Variants in PLA2R1 observed in about 807,000 individuals in gnomAD.
PLA2R1 encodes phospholipase A2 receptor 1.
Under a neutral mutation model 195.9 loss-of-function variants are expected in PLA2R1, and 158 were observed. That is an observed-to-expected ratio of 0.81 (90% CI 0.71 to 0.92). The LOEUF (loss-of-function observed/expected upper bound fraction) is 0.92. PLA2R1 is among the 40% of genes least tolerant of loss of function. PLA2R1 has a pLI of 0.00. For missense variants in PLA2R1, 1,626 were observed against 1,764.6 expected, an observed-to-expected ratio of 0.92 and a Z score of 1.41; for synonymous variants, 586 against 598.2, an observed-to-expected ratio of 0.98 and a Z score of 0.30.
In PLA2R1 at chr2:159,971,471, C is replaced by CGT. The variant is rs1374552815; in HGVS notation, c.2596-1260_2596-1259insAC. Among the ~76,000 whole-genome samples, 7 of 127,140 alleles carry CGT rather than the reference C, an allele frequency of 5.5e-5. No individual in the cohort carries two copies. In the East Asian group the frequency reaches 8.5e-4, roughly 15 times the overall value. 83.4% of individuals were successfully genotyped at this position (127,140 alleles called of 152,430 possible). ...GTGCATGCATGTGCACACGTGTGTG[C>CGT]GCGCACACACACACACATACACACA... On this transcript the variant is annotated intron_variant, in intron 17 of 29. Transcript: ENST00000283243.
intron 6 of PLA2R1, among the ~76,000 whole-genome samples, chr2:160,024,037 C>T (rs1573919280): frequency 1.5e-5 from 2 of 130,044 alleles, no homozygotes; most frequent in East Asian, 3.9e-4. Context: ...ACCCCTGCAG[C>T]CCCCACAGGC....
chr2:160,048,430 C>T (rs533218426), intron 1 of PLA2R1, among the ~76,000 whole-genome samples: 6 of 152,144 alleles, frequency 3.9e-5, no homozygotes, highest in Non-Finnish European at 8.8e-5. Context: ...TGACTTGAGC[C>T]CATTTTTCCA....
At chr2:159,985,051 A>G (rs377437632) in intron 12 of PLA2R1, among the ~76,000 whole-genome samples, 1 of 152,152 alleles carries the variant, frequency 6.6e-6, no homozygotes, top group Admixed American at 6.5e-5. Context: ...CACACCATGC[A>G]TTTGTTGACA....
Position 159,979,900 on chromosome 2 carries a change from T to A in PLA2R1, c.2198A>T (p.Gln733Leu). Residue 733 changes from glutamine (Q) to leucine (L), a missense_variant, in exon 14 of 30, where the codon CAG (glutamine) becomes CTG (leucine). Coordinates refer to ENST00000283243, the MANE Select transcript of PLA2R1 (RefSeq NM_007366.5). ...HSKFNWTEER[Q>L]FWIGFNKRNP... ...TCTTTTATTAAATCCAATCCAGAACTGCCTTTCTTCTGTCCTGTAAAGAGA... is the reference window on the plus strand; with the variant it reads ...TCTTTTATTAAATCCAATCCAGAACAGCCTTTCTTCTGTCCTGTAAAGAGA... 2 of 1,602,204 alleles carry A rather than the reference T, an allele frequency of 1.2e-6. No individual in the cohort carries two copies. Among genetic ancestry groups the A allele is most frequent in the South Asian group, 1.1e-5 (1 of 90,652 alleles).
At chr2:159,928,616 C>G (rs1686531916), downstream of PLA2R1, among the ~76,000 whole-genome samples, 1 of 152,098 alleles carries the variant, frequency 6.6e-6, no homozygotes. Flanking sequence ...CATTTCCCAT[C>G]AAAATACTAC....
At chr2:159,988,915 G>A (rs1273674166) in intron 11 of PLA2R1, among the ~76,000 whole-genome samples, 1 of 152,204 alleles carries the variant, frequency 6.6e-6, no homozygotes, top group Non-Finnish European at 1.5e-5. Context: ...GCTAAAGAAT[G>A]AGTGTATGAG....
intron 10 of PLA2R1, among the ~76,000 whole-genome samples, chr2:160,009,690 C>T (rs1397713): frequency 0.83 from 126,398 of 152,186 alleles, 52,819 homozygotes; most frequent in African/African-American, 0.91. Flanking sequence ...GTGAATTTTA[C>T]GTTTATGTGT....
intron 25 of PLA2R1, among the ~76,000 whole-genome samples, chr2:159,948,151 G>T (rs2125924870): frequency 6.6e-6 from 1 of 152,320 alleles, no homozygotes; most frequent in East Asian, 1.9e-4. Context: ...CTAGCTGCGT[G>T]ACCATGGGCA....
At chr2:160,015,095 A>G (rs3106306) in intron 9 of PLA2R1, among the ~76,000 whole-genome samples, 109,873 of 151,606 alleles carry the variant, frequency 0.72, 40,250 homozygotes, top group East Asian at 0.87. Flanking sequence ...TTACTTCAAG[A>G]CTTTGTCCAC....
At chr2:160,001,121 A>ATC (rs1691564227) in intron 11 of PLA2R1, among the ~76,000 whole-genome samples, 1 of 152,122 alleles carries the variant, frequency 6.6e-6, no homozygotes, top group Non-Finnish European at 1.5e-5. Context: ...CATCTAAACA[A>ATC]ATATTCATTG....
At chr2:159,949,440 CTT>C (rs1262809961) in intron 25 of PLA2R1, among the ~76,000 whole-genome samples, 166 bp downstream of exon 25, 1 of 152,140 alleles carries the variant, frequency 6.6e-6, no homozygotes, top group African/African-American at 2.4e-5. Context: ...TGCTACCTCT[CTT>C]ATATCATTTT....
At chr2:159,992,805 T>C (rs1690917957) in intron 11 of PLA2R1, among the ~76,000 whole-genome samples, 1 of 152,188 alleles carries the variant, frequency 6.6e-6, no homozygotes, top group South Asian at 2.1e-4. Flanking sequence ...TGACTTACTC[T>C]ACTGGGATCT....
chr2:160,052,932 A>AAACAAAC (rs1553469892), intron 1 of PLA2R1, among the ~76,000 whole-genome samples: 1 of 148,068 alleles, frequency 6.8e-6, no homozygotes, highest in African/African-American at 2.5e-5. Context: ...AACAAACAAA[A>AAACAAAC]AAACAAACAA....
chr2:160,045,249 G>T, intron 1 of PLA2R1, 92 bp from the exon 2 acceptor site: 1 of 955,330 alleles, frequency 1.0e-6, no homozygotes, highest in Non-Finnish European at 1.6e-6. Context: ...AGTGCGATAT[G>T]CGACAGTTGC....
chr2:159,986,222 T>A (rs527747789), intron 12 of PLA2R1, among the ~76,000 whole-genome samples: 1 of 152,246 alleles, frequency 6.6e-6, no homozygotes, highest in East Asian at 1.9e-4. Context: ...GGTGACAAGA[T>A]GCTCAAAGGA....
chr2:160,017,524 CA>C (rs1692846872), intron 8 of PLA2R1, among the ~76,000 whole-genome samples: 1 of 152,136 alleles, frequency 6.6e-6, no homozygotes, highest in Non-Finnish European at 1.5e-5. Context: ...GTAATATTGG[CA>C]TAGCTGAAAC....
chr2:160,053,000 G>C (rs1005231125), intron 1 of PLA2R1, among the ~76,000 whole-genome samples: 1 of 152,170 alleles, frequency 6.6e-6, no homozygotes, highest in Non-Finnish European at 1.5e-5. Flanking sequence ...TGCTACTAGG[G>C]TTGCCATAAC....
chr2:160,013,244 TA>T lies in PLA2R1; in HGVS notation c.1664+18del. ...CATGTGAAAGCCGTCTTGTTTCTGT[TA>T]AAAAAAGTTTAATTTACCTGTTTGT... On this transcript the variant is annotated intron_variant, in intron 10 of 29. Transcript: ENST00000283243. 2.3e-6 allele frequency: 3 copies of T among 1,292,006 alleles called. No individual in the cohort carries two copies. Among genetic ancestry groups the T allele is most frequent in the South Asian group, 1.2e-5 (1 of 83,124 alleles). 80.0% of individuals were successfully genotyped at this position (1,292,006 alleles called of 1,614,324 possible). A position where few individuals can be genotyped will look rare whatever the true frequency, so the allele number is the denominator to read the frequency against.
chr2:159,929,029 G>T (rs1391978577), downstream of PLA2R1, among the ~76,000 whole-genome samples: 1 of 152,188 alleles, frequency 6.6e-6, no homozygotes, highest in South Asian at 2.1e-4. Flanking sequence ...TTACATCTAA[G>T]ACTTGAAACC....
Sources: gnomAD v4.1 joint callset for allele counts (sites outside exome capture counted in the v4.1 genomes callset) on GRCh38, gnomAD v4.1.1 for gene constraint, MANE v1.5 for transcripts, NCBI Gene and HGNC (gene_info 2026-07-23, HGNC 2026-07-21) for gene names.